DOCK9: variants seen among roughly 807,000 people sequenced by gnomAD.
DOCK9 encodes dedicator of cytokinesis 9.
In DOCK9, 89 loss-of-function variants were observed where a neutral mutation model predicts 263.3. The ratio of observed to expected loss-of-function variants is 0.34; its 90% CI spans 0.28 to 0.40. The LOEUF is 0.40. Among genes scored for constraint, DOCK9 ranks in the 10% least tolerant of loss-of-function variants. The pLI, the probability that DOCK9 is intolerant of heterozygous loss-of-function variation, is 1.00. For synonymous variants in DOCK9, 976 were observed against 973.1 expected, an observed-to-expected ratio of 1.00 and a Z score of -0.06; for missense variants, 2,140 against 2,603.4, an observed-to-expected ratio of 0.82 and a Z score of 3.87.
chr13:99,071,541 GGTCTTCATC>G (rs1308671789), intron 1 of DOCK9, among the ~76,000 whole-genome samples: 1 of 151,718 alleles, frequency 6.6e-6, no homozygotes, highest in African/African-American at 2.4e-5. Context: ...TCATCATAAA[GGTCTTCATC>G]GTCTTCATAG....
chr13:98,980,066 T>C (rs1011420975), upstream of DOCK9, among the ~76,000 whole-genome samples: 1 of 152,208 alleles, frequency 6.6e-6, no homozygotes, highest in African/African-American at 2.4e-5. Flanking sequence ...TGCTCTGTAG[T>C]CCAGGCTGAG....
At chr13:98,827,182 C>G (rs2092577140) in intron 43 of DOCK9, among the ~76,000 whole-genome samples, 1 of 152,210 alleles carries the variant, frequency 6.6e-6, no homozygotes, top group Admixed American at 6.5e-5. Flanking sequence ...TTTCCTCTTA[C>G]TATACCTAAT....
intron 1 of DOCK9, among the ~76,000 whole-genome samples, chr13:98,966,148 C>A (rs1367544922): frequency 9.9e-5 from 15 of 152,236 alleles, no homozygotes; most frequent in Admixed American, 9.8e-4. Context: ...GAGAGGAAGA[C>A]AAGACGGGAA....
chr13:99,060,368 C>T (rs936967793), intron 1 of DOCK9, among the ~76,000 whole-genome samples: 7 of 152,054 alleles, frequency 4.6e-5, no homozygotes, highest in Non-Finnish European at 7.4e-5. Flanking sequence ...TGAGCCACTG[C>T]GCCTGGCCCG....
At chr13:98,897,367 G>A (rs1017914019) in intron 15 of DOCK9, 121 bp downstream of exon 15, 12 of 1,220,722 alleles carry the variant, frequency 9.8e-6, no homozygotes, top group African/African-American at 3.0e-5. Flanking sequence ...AATGCTTCAC[G>A]CTCATTTGCC....
At position 98,863,425 on chromosome 13, in the gene DOCK9, C is replaced by A. The variant is rs775400936; in HGVS notation, c.3410G>T (p.Ser1137Ile). 3 of 1,613,976 alleles carry A rather than the reference C, an allele frequency of 1.9e-6. No individual in the cohort carries two copies. Among genetic ancestry groups the A allele is most frequent in the Non-Finnish European group, 2.5e-6 (3 of 1,179,904 alleles). Residue 1137 changes from serine to isoleucine, a missense_variant, in exon 31 of 53, where the codon AGT becomes ATT. Ser to Ile is a moderately radical substitution (Grantham distance 142). Coordinates refer to ENST00000682017, the MANE Select transcript of DOCK9 (RefSeq NM_001366683.2). ...EFREVRLIAI[S>I]VLKNLLIKHS... ...CTTTATCAGCAGGTTCTTGAGCACA[C>A]TGATGGCGATCAGACGGACCTCCCG...
intron 1 of DOCK9, among the ~76,000 whole-genome samples, chr13:98,989,292 T>G (rs1255715226): frequency 1.3e-5 from 2 of 150,058 alleles, no homozygotes; most frequent in South Asian, 2.1e-4. Flanking sequence ...CTCAAGTCAT[T>G]TTGGGAGCTT....
intron 9 of DOCK9, among the ~76,000 whole-genome samples, chr13:98,907,937 A>C (rs181454079): frequency 1.7e-4 from 26 of 152,304 alleles, no homozygotes; most frequent in African/African-American, 5.8e-4. Context: ...GCCCATTTTA[A>C]TTTTATACAA....
intron 13 of DOCK9, among the ~76,000 whole-genome samples, chr13:98,899,375 T>A (rs2047925546): frequency 6.6e-6 from 1 of 152,200 alleles, no homozygotes; most frequent in South Asian, 2.1e-4. Context: ...AGCTCCACTA[T>A]CCACACCTGA....
intron 15 of DOCK9, 108 bp downstream of exon 15, chr13:98,897,380 C>G: frequency 7.4e-7 from 1 of 1,358,504 alleles, no homozygotes; most frequent in Non-Finnish European, 1.0e-6. Context: ...CATTTGCCAT[C>G]CCCTCTGATG....
chr13:99,068,063 C>T (rs1409306798), intron 1 of DOCK9, among the ~76,000 whole-genome samples: 1 of 152,072 alleles, frequency 6.6e-6, no homozygotes, highest in East Asian at 1.9e-4. Context: ...CACCTCCTGC[C>T]CCAGCATTGA....
Position 98,825,850 on chromosome 13 carries a change from C to A in DOCK9, c.5023+980G>T, listed in dbSNP as rs537285950. ...GACCAGGGCAGGGGGTCCCCGGGGG[C>A]TGGGCTGATCCTCAGGCTCACCTCC... On this transcript the variant is annotated intron_variant, in intron 44 of 52. Coordinates refer to ENST00000682017, the MANE Select transcript of DOCK9 (RefSeq NM_001366683.2). The surrounding 1 kb of genome is among the most constrained non-coding windows in gnomAD (Gnocchi z 4.1). 6.7e-7 allele frequency: 1 copy of A among 1,490,912 alleles called. No individual in the cohort carries two copies. The highest frequency in any genetic ancestry group is 9.0e-7 in the Non-Finnish European group (1 of 1,116,012). The allele number at this position is 1,490,912 out of a possible 1,614,324, so 92.4% of individuals were successfully genotyped here.
chr13:98,867,629 C>G (rs1218588609), intron 29 of DOCK9, 93 bp from the exon 30 acceptor site: 1 of 849,186 alleles, frequency 1.2e-6, no homozygotes, highest in Non-Finnish European at 1.9e-6. Context: ...TAGAAATAGT[C>G]ATTAGCTTCT....
Position 98,808,700 on chromosome 13 carries a change from C to G in DOCK9, c.5367+652G>C, listed in dbSNP as rs1279734341. ...GCTATAAAGTTATAAAAGACAATAA[C>G]AGAATAAATTGAAGGTTATATAATG... On this transcript the variant is annotated intron_variant, in intron 47 of 52. Coordinates refer to ENST00000682017, the MANE Select transcript of DOCK9 (RefSeq NM_001366683.2). The G allele has an allele frequency of 2.0e-6, 3 of 1,505,032 alleles. No homozygotes were observed. The African/African-American group carries it at 4.1e-5, about 21-fold the overall frequency. The allele number at this position is 1,505,032 out of a possible 1,614,324, so 93.2% of individuals were successfully genotyped here.
chr13:98,878,753 C>G (rs1248864479), intron 27 of DOCK9, among the ~76,000 whole-genome samples: 1 of 152,218 alleles, frequency 6.6e-6, no homozygotes, highest in African/African-American at 2.4e-5. Context: ...AAGGAGAAAC[C>G]ACCTGGCCAG....
intron 36 of DOCK9, among the ~76,000 whole-genome samples, chr13:98,848,908 G>A (rs563937665): frequency 2.6e-5 from 4 of 152,210 alleles, no homozygotes; most frequent in Admixed American, 1.3e-4. Context: ...AGAGGCCCAC[G>A]ACCGACAGGA....
chr13:98,884,942 G>T, intron 21 of DOCK9, 29 bp downstream of exon 21: 1 of 1,601,234 alleles, frequency 6.2e-7, no homozygotes. Context: ...GAAGAAATTG[G>T]GATGACCCAA....
rs1326587064 is a variant in DOCK9, at chr13:98,794,424, C to A, written c.*202G>T. ...GACACAATGAAAACTTTGAATATTG[C>A]CAGTGAGATTTAAAAAAATATGTGC... On this transcript the variant is annotated 3_prime_UTR_variant, in exon 53 of 53. Coordinates refer to ENST00000682017, the MANE Select transcript of DOCK9 (RefSeq NM_001366683.2). 3.4e-6 allele frequency: 2 copies of A among 582,888 alleles called. No individual in the cohort carries two copies. Among genetic ancestry groups the A allele is most frequent in the East Asian group, 3.0e-5 (1 of 33,602 alleles). The allele number at this position is 582,888 out of a possible 1,614,324, so 36.1% of individuals were successfully genotyped here.
At chr13:99,019,248 G>T (rs1300213487) in intron 1 of DOCK9, among the ~76,000 whole-genome samples, 1 of 152,168 alleles carries the variant, frequency 6.6e-6, no homozygotes, top group Non-Finnish European at 1.5e-5. Context: ...TGGGGTCATT[G>T]CTAGCGGGTA....
Sources: allele counts gnomAD v4.1 joint callset (sites outside exome capture counted in the v4.1 genomes callset), GRCh38; gene constraint gnomAD v4.1.1; non-coding constraint Gnocchi (gnomAD v3.1); transcripts MANE v1.5; gene names NCBI Gene and HGNC (gene_info 2026-07-23, HGNC 2026-07-21).